Variants in TFCP2 observed in about 807,000 individuals in gnomAD.
The protein encoded by TFCP2 is transcription factor CP2.
In TFCP2, 33 loss-of-function variants were observed where a neutral mutation model predicts 73.4. The ratio of observed to expected loss-of-function variants is 0.45; its 90% confidence interval spans 0.34 to 0.60. The LOEUF is 0.60. Ranked by LOEUF, TFCP2 falls within the 20% of genes least tolerant of loss-of-function variation. The pLI, the probability that TFCP2 is intolerant of heterozygous loss-of-function variation, is 0.01. For missense variants in TFCP2, 352 were observed against 604.0 expected, an observed-to-expected ratio of 0.58 and a Z score of 4.37; for synonymous variants, 193 against 211.6, an observed-to-expected ratio of 0.91 and a Z score of 0.76.
chr12:51,112,577 T>C (rs1435054324), intron 4 of TFCP2, among the ~76,000 whole-genome samples: 1 of 152,066 alleles, frequency 6.6e-6, no homozygotes, highest in Non-Finnish European at 1.5e-5. Flanking sequence ...AACATAAAGA[T>C]TGATGCAGGC....
chr12:51,166,635 G>A (rs1177708181), intron 1 of TFCP2, among the ~76,000 whole-genome samples: 1 of 152,004 alleles, frequency 6.6e-6, no homozygotes, highest in Non-Finnish European at 1.5e-5. Flanking sequence ...GGCCTATGAA[G>A]AGCAATGTAG....
chr12:51,144,469 C>T (rs1442857789), intron 1 of TFCP2, among the ~76,000 whole-genome samples: 1 of 152,096 alleles, frequency 6.6e-6, no homozygotes, highest in Non-Finnish European at 1.5e-5. Flanking sequence ...GGTATTGAAA[C>T]AGATAGACAA....
In TFCP2 at chr12:51,095,302, G is replaced by A. The variant is rs555725055; in HGVS notation, c.1472-24C>T. ...TGCTGTTAAAAAAAAGAGAGAGAGA[G>A]AATCATCTTTAGTCACCTCTAAAAC... On this transcript the variant is annotated intron_variant, in intron 14 of 14. Coordinates refer to ENST00000257915, the MANE Select transcript of TFCP2 (RefSeq NM_005653.5). The A allele has an allele frequency of 2.1e-5, 34 of 1,609,750 alleles. 1 individual carries two copies. In the South Asian group the frequency reaches 3.6e-4, roughly 17 times the overall value.
intron 12 of TFCP2, among the ~76,000 whole-genome samples, 162 bp downstream of exon 12, chr12:51,099,493 G>C (rs527567217): frequency 1.0e-3 from 146 of 143,868 alleles, no homozygotes; most frequent in African/African-American, 3.6e-3. Context: ...AAAAAAAAAA[G>C]AATGGCACCT....
At chr12:51,157,008 TC>T (rs1941549681) in intron 1 of TFCP2, 1 of 20,854 alleles carries the variant, frequency 4.8e-5, no homozygotes. Context: ...TATTATAATC[TC>T]TTTTTTTTCT....
At chr12:51,100,112 C>A (rs1401125080) in intron 11 of TFCP2, among the ~76,000 whole-genome samples, 1 of 152,166 alleles carries the variant, frequency 6.6e-6, no homozygotes, top group Non-Finnish European at 1.5e-5. Flanking sequence ...CTTCACTATA[C>A]CCCAGTCTTG....
At chr12:51,125,860 G>A (rs913868063) in intron 1 of TFCP2, among the ~76,000 whole-genome samples, 1 of 152,038 alleles carries the variant, frequency 6.6e-6, no homozygotes, top group African/African-American at 2.4e-5. Flanking sequence ...CACTTTGGGA[G>A]GCTAAGATGG....
At chr12:51,171,503 G>C (rs534072996) in intron 1 of TFCP2, among the ~76,000 whole-genome samples, 1 of 151,838 alleles carries the variant, frequency 6.6e-6, no homozygotes, top group Admixed American at 6.6e-5. Flanking sequence ...TCAGCCTCCC[G>C]AGTGGCTGGG....
chr12:51,155,383 A>G (rs1331708352), intron 1 of TFCP2, among the ~76,000 whole-genome samples: 2 of 152,148 alleles, frequency 1.3e-5, no homozygotes, highest in African/African-American at 4.8e-5. Flanking sequence ...CCATCCATCC[A>G]TCTATATCCT....
chr12:51,125,178 A>G, intron 1 of TFCP2: 2 of 698,966 alleles, frequency 2.9e-6, no homozygotes, highest in Non-Finnish European at 5.4e-6. Flanking sequence ...GCTACCAGTG[A>G]TGATTGGTAC....
chr12:51,105,320 C>G (rs1372026574), intron 8 of TFCP2, among the ~76,000 whole-genome samples: 1 of 151,948 alleles, frequency 6.6e-6, no homozygotes, highest in Non-Finnish European at 1.5e-5. Context: ...TCTCGAACTC[C>G]TGACATCGTA....
chr12:51,130,301 G>A (rs549747991), intron 1 of TFCP2, among the ~76,000 whole-genome samples: 5 of 151,232 alleles, frequency 3.3e-5, no homozygotes, highest in African/African-American at 7.3e-5. Context: ...GTGAAACCCC[G>A]TCTCTCCTAA....
At chr12:51,170,772 C>T (rs1165653503) in intron 1 of TFCP2, among the ~76,000 whole-genome samples, 1 of 151,748 alleles carries the variant, frequency 6.6e-6, no homozygotes, top group African/African-American at 2.4e-5. Flanking sequence ...CTCCGCCTCC[C>T]GGTTCAAGCA....
intron 1 of TFCP2, among the ~76,000 whole-genome samples, chr12:51,136,887 G>A (rs922248000): frequency 6.6e-6 from 1 of 152,164 alleles, no homozygotes; most frequent in Non-Finnish European, 1.5e-5. Context: ...GGAGGTTGCA[G>A]TGAGCTGACA....
At chr12:51,161,394 A>C (rs1472757005) in intron 1 of TFCP2, among the ~76,000 whole-genome samples, 2 of 151,186 alleles carry the variant, frequency 1.3e-5, no homozygotes, top group Non-Finnish European at 2.9e-5. Context: ...AAAAAAAAAG[A>C]AATTGGCTGG....
At chr12:51,115,975 TGGTTACACAATA>T (rs1485806656) in intron 4 of TFCP2, among the ~76,000 whole-genome samples, 4 of 152,198 alleles carry the variant, frequency 2.6e-5, no homozygotes, top group Non-Finnish European at 5.9e-5. Context: ...ATGATAGTGA[TGGTTACACAATA>T]ATGTGAATGT....
At chr12:51,130,242 T>C (rs2730660) in intron 1 of TFCP2, among the ~76,000 whole-genome samples, 139,312 of 152,248 alleles carry the variant, frequency 0.92, 64,125 homozygotes, top group Non-Finnish European at 0.97. Context: ...GAGAACGAGG[T>C]GGGTGGATCA....
intron 1 of TFCP2, among the ~76,000 whole-genome samples, chr12:51,131,773 C>T (rs1366311220): frequency 2.0e-5 from 3 of 152,144 alleles, no homozygotes; most frequent in Non-Finnish European, 4.4e-5. Flanking sequence ...AGCTACTATT[C>T]TAAGTTTGAA....
At chr12:51,119,977 G>A (rs1453745080) in intron 1 of TFCP2, among the ~76,000 whole-genome samples, 1 of 151,530 alleles carries the variant, frequency 6.6e-6, no homozygotes, top group Non-Finnish European at 1.5e-5. Flanking sequence ...TCAGGAGTTT[G>A]AGACCAGCCT....
Sources: allele counts gnomAD v4.1 joint callset (sites outside exome capture counted in the v4.1 genomes callset), GRCh38; gene constraint gnomAD v4.1.1; transcripts MANE v1.5; gene names NCBI Gene and HGNC (gene_info 2026-07-23, HGNC 2026-07-21).